AFF3: variants seen among roughly 807,000 people sequenced by gnomAD.
The protein encoded by AFF3 is AF4/FMR2 family member 3.
In AFF3, 32 loss-of-function variants were observed where a neutral mutation model predicts 129.7. The observed-to-expected ratio is 0.25, with a 90% confidence interval of 0.19 to 0.33. The LOEUF (loss-of-function observed/expected upper bound fraction) is 0.33. Among genes scored for constraint, AFF3 ranks in the 10% least tolerant of loss-of-function variants. The pLI is 1.00. For synonymous variants in AFF3, 644 were observed against 635.4 expected, an observed-to-expected ratio of 1.01 and a Z score of -0.20; for missense variants, 1,373 against 1,592.0, an observed-to-expected ratio of 0.86 and a Z score of 2.34.
intron 7 of AFF3, among the ~76,000 whole-genome samples, chr2:99,981,206 T>C (rs995232157): frequency 6.6e-6 from 1 of 151,930 alleles, no homozygotes; most frequent in Non-Finnish European, 1.5e-5. Context: ...TTAGTAGAGA[T>C]AGGGTTTCTC....
chr2:99,562,781 G>A (rs1262803104), intron 20 of AFF3, among the ~76,000 whole-genome samples: 1 of 152,182 alleles, frequency 6.6e-6, no homozygotes, highest in African/African-American at 2.4e-5. Context: ...CAGCCACCCT[G>A]TTTAGGTCTA....
chr2:99,979,778 C>G (rs1397147726), intron 7 of AFF3, among the ~76,000 whole-genome samples: 1 of 152,284 alleles, frequency 6.6e-6, no homozygotes, highest in Non-Finnish European at 1.5e-5. Flanking sequence ...CCACTGCACC[C>G]GGCCTATTCT....
intron 13 of AFF3, among the ~76,000 whole-genome samples, chr2:99,632,976 C>T (rs939728736): frequency 2.0e-5 from 3 of 152,122 alleles, no homozygotes; most frequent in Non-Finnish European, 4.4e-5. Context: ...TTGACTTTAT[C>T]CTTTATCACT....
intron 4 of AFF3, among the ~76,000 whole-genome samples, chr2:100,026,168 T>C (rs1195191249): frequency 6.6e-6 from 1 of 151,996 alleles, no homozygotes; most frequent in Non-Finnish European, 1.5e-5. Context: ...AGGATTAATA[T>C]CTAGAATCTA....
intron 8 of AFF3, among the ~76,000 whole-genome samples, chr2:99,813,972 C>A (rs1687005741): frequency 6.6e-6 from 1 of 152,084 alleles, no homozygotes. Flanking sequence ...ACAATAGATG[C>A]CAAATACTCA....
At chr2:99,991,479 T>C (rs1257213014) in intron 7 of AFF3, among the ~76,000 whole-genome samples, 3 of 152,196 alleles carry the variant, frequency 2.0e-5, no homozygotes, top group South Asian at 2.1e-4. Flanking sequence ...AAGTGTCTCC[T>C]CTCTGTTGCC....
At chr2:99,830,914 C>T (rs533235660) in intron 8 of AFF3, among the ~76,000 whole-genome samples, 145 of 152,294 alleles carry the variant, frequency 9.5e-4, no homozygotes, top group Non-Finnish European at 1.6e-3. Flanking sequence ...GGCCACTTAT[C>T]CTAGTTCAGT....
intron 13 of AFF3, among the ~76,000 whole-genome samples, chr2:99,614,035 C>T (rs777205861): frequency 3.9e-5 from 6 of 152,218 alleles, no homozygotes; most frequent in South Asian, 2.1e-4. Context: ...AGCTTCAGCC[C>T]GGGGCAGGAA....
chr2:100,132,815 G>A (rs1425334015), intron 1 of AFF3, among the ~76,000 whole-genome samples: 1 of 151,584 alleles, frequency 6.6e-6, no homozygotes, highest in East Asian at 1.9e-4. Flanking sequence ...ATTTTTTCTT[G>A]TTTTGGATTA....
chr2:99,857,692 A>G (rs1690630401), intron 7 of AFF3, among the ~76,000 whole-genome samples: 7 of 152,176 alleles, frequency 4.6e-5, no homozygotes, highest in Admixed American at 4.6e-4. Context: ...TCATCCTTCA[A>G]CCCTACTCAA....
intron 8 of AFF3, 74 bp downstream of exon 8, chr2:99,837,403 G>A: frequency 7.0e-7 from 1 of 1,420,992 alleles, no homozygotes; most frequent in Non-Finnish European, 9.8e-7. Flanking sequence ...CCTTTATCAT[G>A]GAGCCGCAGG....
intron 8 of AFF3, among the ~76,000 whole-genome samples, chr2:99,769,299 A>G (rs1187196484): frequency 6.6e-6 from 1 of 152,126 alleles, no homozygotes; most frequent in African/African-American, 2.4e-5. Flanking sequence ...TGCATTCTTC[A>G]GTATGTCAGC....
At chr2:100,018,426 G>A (rs890050023) in intron 4 of AFF3, among the ~76,000 whole-genome samples, 2 of 151,988 alleles carry the variant, frequency 1.3e-5, no homozygotes, top group African/African-American at 2.4e-5. Context: ...GTGGGTTTTC[G>A]AGAGATGACA....
intron 8 of AFF3, among the ~76,000 whole-genome samples, chr2:99,777,585 C>T (rs768763244): frequency 6.6e-5 from 10 of 152,142 alleles, no homozygotes; most frequent in Non-Finnish European, 1.2e-4. Flanking sequence ...TTCCCATCTG[C>T]GTGCCCTGGT....
chr2:99,736,934 C>T (rs1480440225), intron 10 of AFF3, among the ~76,000 whole-genome samples: 3 of 152,090 alleles, frequency 2.0e-5, no homozygotes, highest in Admixed American at 1.3e-4. Flanking sequence ...TTAATTTATG[C>T]TACCATATTT....
chr2:99,690,627 T>C lies in AFF3; in HGVS notation c.1092-18038A>G, dbSNP rs190544209. Among the ~76,000 whole-genome samples, 339 of 152,286 alleles carry C rather than the reference T, an allele frequency of 2.2e-3. 3 individuals are homozygous for C. The highest frequency in any genetic ancestry group is 7.8e-3 in the African/African-American group (326 of 41,554). Reference sequence around the variant, plus strand: ...AATCCCACGGCTTCGATCGGTTGTATGGGTGCTTATGAAATAAAAGTTGCA... The same window carrying C: ...AATCCCACGGCTTCGATCGGTTGTACGGGTGCTTATGAAATAAAAGTTGCA... On this transcript the variant is annotated intron_variant, in intron 11 of 24. Coordinates refer to ENST00000672756, the MANE Select transcript of AFF3 (RefSeq NM_001386135.1).
At position 99,649,636 on chromosome 2, in the gene AFF3, G is replaced by C. The variant is rs770755546; in HGVS notation, c.1174C>G (p.Leu392Val). The change falls in exon 13 of 25, where the codon CTC (leucine) becomes GTC (valine). Residue 392 changes from leucine (L) to valine (V), a missense_variant. By Grantham distance (32) the Leu-to-Val change is conservative. Transcript: ENST00000672756. Reference protein sequence around the residue: ...QAAQRTALRALSDSAVVQQPN... With the variant: ...QAAQRTALRAVSDSAVVQQPN... ...AATGACAAAATGTACCTGTCAGAGA[G>C]AGCGCGGAGAGCCGTTCTCTGAGCT... 6 of 1,614,176 alleles carry C rather than the reference G, an allele frequency of 3.7e-6. No homozygotes were observed. The highest frequency in any genetic ancestry group is 2.2e-5 in the East Asian group (1 of 44,892).
chr2:100,108,680 C>G (rs1053613788), intron 2 of AFF3, among the ~76,000 whole-genome samples: 1 of 152,100 alleles, frequency 6.6e-6, no homozygotes, highest in Non-Finnish European at 1.5e-5. Context: ...ATACCCCGGT[C>G]GAGGGCTGAG....
At chr2:99,712,375 C>T (rs934970382) in intron 11 of AFF3, among the ~76,000 whole-genome samples, 7 of 152,174 alleles carry the variant, frequency 4.6e-5, no homozygotes, top group Admixed American at 3.3e-4. Context: ...TGAGGAAAGA[C>T]GAGCCCAGCT....
Sources: gnomAD v4.1 joint callset for allele counts (sites outside exome capture counted in the v4.1 genomes callset) on GRCh38, gnomAD v4.1.1 for gene constraint, MANE v1.5 for transcripts, NCBI Gene and HGNC (gene_info 2026-07-23, HGNC 2026-07-21) for gene names.